TRIM50: variants seen among roughly 807,000 people sequenced by gnomAD.
The protein encoded by TRIM50 is tripartite motif containing 50.
TRIM50 carries 34 observed loss-of-function variants against 44.9 expected under a neutral mutation model. The observed-to-expected ratio is 0.76, with a 90% CI of 0.58 to 1.01. The LOEUF (loss-of-function observed/expected upper bound fraction) is 1.01. TRIM50 is among the 50% of genes least tolerant of loss of function. TRIM50 has a pLI of 0.00. For synonymous variants in TRIM50, 307 were observed against 291.1 expected, an observed-to-expected ratio of 1.05 and a Z score of -0.56; for missense variants, 633 against 663.7, an observed-to-expected ratio of 0.95 and a Z score of 0.51.
At chr7:73,316,857 A>C in intron 5 of TRIM50, 168 bp from the exon 6 acceptor site, 1 of 982,338 alleles carries the variant, frequency 1.0e-6, no homozygotes, top group Non-Finnish European at 1.4e-6. Flanking sequence ...GGGAGGACCC[A>C]TCTCCTTCCT....
At chr7:73,323,646 A>G (rs1554545375) in intron 2 of TRIM50, among the ~76,000 whole-genome samples, 1 of 152,242 alleles carries the variant, frequency 6.6e-6, no homozygotes, top group African/African-American at 2.4e-5. Context: ...TTGGACATTT[A>G]CAATGTGCCA....
Position 73,324,386 on chromosome 7 carries a change from C to T in TRIM50, c.399+3G>A. 6.2e-7 allele frequency: 1 copy of T among 1,614,006 alleles called. No homozygotes were observed. Among genetic ancestry groups the T allele is most frequent in the East Asian group, 2.2e-5 (1 of 44,878 alleles). Reference sequence around the variant, plus strand: ...CAGCCGCCCCTGCACCCTCACTCCCCACCTTCATGCGGCTGTAGACGGTGG... The same window carrying T: ...CAGCCGCCCCTGCACCCTCACTCCCTACCTTCATGCGGCTGTAGACGGTGG... On this transcript the variant is annotated splice_donor_region_variant and intron_variant, in intron 2 of 6. Coordinates refer to ENST00000333149, the MANE Select transcript of TRIM50 (RefSeq NM_178125.3).
intron 2 of TRIM50, among the ~76,000 whole-genome samples, chr7:73,322,351 C>A (rs1443815739): frequency 6.6e-6 from 1 of 152,008 alleles, no homozygotes; most frequent in Non-Finnish European, 1.5e-5. Flanking sequence ...TCTGTCTCAA[C>A]AACAACAACA....
chr7:73,318,839 G>T lies in TRIM50; in HGVS notation c.709C>A (p.His237Asn), dbSNP rs1259404888. The T allele has an allele frequency of 2.5e-6, 4 of 1,613,978 alleles. No homozygotes were observed. The highest frequency in any genetic ancestry group is 3.4e-6 in the Non-Finnish European group (4 of 1,179,876). ...CCACTCACCCGGATGAACTTGTGGTGGTCCTCATTGCCGAACTGTTCCAGC... is the reference window on the plus strand; with the variant it reads ...CCACTCACCCGGATGAACTTGTGGTTGTCCTCATTGCCGAACTGTTCCAGC... ...CVLEQFGNEDHHKFIRKFHSM... is the reference protein window; with the variant it reads ...CVLEQFGNEDNHKFIRKFHSM... The change falls in exon 4 of 7, where the codon CAC (histidine) becomes AAC (asparagine). Residue 237 changes from histidine to asparagine, a missense_variant. By Grantham distance (68) the His-to-Asn change is moderately conservative. Transcript: ENST00000333149.
intron 1 of TRIM50, among the ~76,000 whole-genome samples, chr7:73,327,470 A>G (rs1422587383): frequency 7.9e-5 from 12 of 152,118 alleles, no homozygotes; most frequent in South Asian, 2.1e-4. Flanking sequence ...TGGGCTCAGA[A>G]CGAGCCTCTG....
At position 73,318,890 on chromosome 7, in the gene TRIM50, C is replaced by A; in HGVS notation, c.658G>T (p.Glu220Ter). The A allele has an allele frequency of 6.2e-7, 1 of 1,613,988 alleles. No individual in the cohort carries two copies. The highest frequency in any genetic ancestry group is 8.5e-7 in the Non-Finnish European group (1 of 1,179,862). Residue 220 changes from glutamate (E) to a stop codon, truncating the protein, a stop_gained, in exon 4 of 7, where the codon GAG becomes TAG. Transcript: ENST00000333149. LOFTEE classifies it high-confidence loss of function. ...ACACACTCGGCTTGGGCCAGCCGCT[C>A]CCGGGTTCCCTGGGCCTGCTCCAGC... is the stretch of plus-strand genomic sequence containing the variant. ...MQLEQAQGTRERLAQAECVLE... is the reference protein window; with the variant it reads ...MQLEQAQGTR
At position 73,313,377 on chromosome 7, in the gene TRIM50, G is replaced by T. The variant is rs1804278876; in HGVS notation, c.1008C>A (p.Thr336=). 6.3e-7 allele frequency: 1 copy of T among 1,593,754 alleles called. No individual in the cohort carries two copies. The highest frequency in any genetic ancestry group is 1.1e-5 in the South Asian group (1 of 88,296). Residue 336 remains threonine (T), a synonymous_variant, in exon 7 of 7, where the codon ACC becomes ACA. Coordinates refer to ENST00000333149, the MANE Select transcript of TRIM50 (RefSeq NM_178125.3). This position sits in a 1 kb window ranked among gnomAD's most constrained non-coding sequence, Gnocchi z 4.9. ...AGAAGCCGCGGCTGGCCAGGACGCA[G>T]GTGCTGTAGTCGAAGCGCTCAGGCT... The part of the protein sequence containing the change: ...ASQPERFDYS[T]CVLASRGFSC...
intron 6 of TRIM50, chr7:73,315,062 C>T: frequency 3.0e-6 from 1 of 338,272 alleles, no homozygotes; most frequent in Non-Finnish European, 5.7e-6. Context: ...GGAGCTTGGG[C>T]TAAGCTGGTG....
At chr7:73,314,086 C>CCCCCCA in intron 6 of TRIM50, 1 of 322,742 alleles carries the variant, frequency 3.1e-6, no homozygotes, top group Non-Finnish European at 5.8e-6. Flanking sequence ...GCCCGCCTCC[C>CCCCCCA]ACCCCTTCCC....
At position 73,325,014 on chromosome 7, in the gene TRIM50, ATGTGTGTGTGTGTGTG is replaced by A. The variant is rs3040867; in HGVS notation, c.-18-225_-18-210del. On this transcript the variant is annotated intron_variant, in intron 1 of 6. Transcript: ENST00000333149. Reference sequence around the variant, plus strand: ...TGAAAAAAACTGGTCCCTTGAAGATATGTGTGTGTGTGTGTGTGTGTGTGTGTGTGTGTGTGTGTCT... The same window carrying A: ...TGAAAAAAACTGGTCCCTTGAAGATATGTGTGTGTGTGTGTGTGTGTGTCT... Among the ~76,000 whole-genome samples the A allele has an allele frequency of 3.2e-3, 460 of 142,034 alleles. 1 individual carries two copies. The highest frequency in any genetic ancestry group is 0.011 in the African/African-American group (409 of 38,058). 93.2% of individuals were successfully genotyped at this position (142,034 alleles called of 152,430 possible). A position where few individuals can be genotyped will look rare whatever the true frequency, so the allele number is the denominator to read the frequency against.
intron 2 of TRIM50, chr7:73,321,813 G>A (rs1461593353): frequency 6.6e-6 from 1 of 152,182 alleles, no homozygotes; most frequent in Non-Finnish European, 1.5e-5. Context: ...TGGAGAACGA[G>A]GCATCAGAAT....
At chr7:73,314,217 CT>C in intron 6 of TRIM50, 4 of 354,912 alleles carry the variant, frequency 1.1e-5, no homozygotes, top group East Asian at 7.4e-5. Context: ...AGGCCTAAGA[CT>C]TTTGGCACTG....
Position 73,313,300 on chromosome 7 carries a change from C to T in TRIM50, c.1085G>A (p.Arg362His), listed in dbSNP as rs140593031. The T allele has an allele frequency of 6.7e-4, 1,074 of 1,605,486 alleles. 5 individuals are homozygous for T. The highest frequency in any genetic ancestry group is 8.5e-4 in the Non-Finnish European group (997 of 1,176,930). ...EVVVGSKSDW[R>H]LGVIKGTASR... is the part of the protein sequence containing the mutation. ...GGCTGTGCCCTTGATGACCCCCAGG[C>T]GCCAGTCGCTCTTGCTGCCCACCAC... The change falls in exon 7 of 7, where the codon CGC becomes CAC. Residue 362 changes from arginine to histidine, a missense_variant. Transcript: ENST00000333149. This position sits in a 1 kb window ranked among gnomAD's most constrained non-coding sequence, Gnocchi z 4.9.
At chr7:73,321,519 G>A (rs1554545022) in intron 2 of TRIM50, among the ~76,000 whole-genome samples, 1 of 152,112 alleles carries the variant, frequency 6.6e-6, no homozygotes, top group East Asian at 1.9e-4. Flanking sequence ...TGGTGGGCTT[G>A]GACACAGCAC....
intron 1 of TRIM50, among the ~76,000 whole-genome samples, chr7:73,326,044 T>C (rs2353062): frequency 0.12 from 19,000 of 152,146 alleles, 1,315 homozygotes; most frequent in Middle Eastern, 0.18. Context: ...CATGCCACCA[T>C]GCCAAGCTAA....
intron 3 of TRIM50, among the ~76,000 whole-genome samples, chr7:73,319,537 G>C (rs1804443518): frequency 1.3e-5 from 2 of 152,230 alleles, no homozygotes; most frequent in African/African-American, 4.8e-5. Context: ...AGGCGAGCAG[G>C]CTTTGCTGTG....
At chr7:73,325,014 A>ATG (rs3040867) in intron 1 of TRIM50, among the ~76,000 whole-genome samples, 6,015 of 141,978 alleles carry the variant, frequency 0.042, 150 homozygotes, top group Non-Finnish European at 0.054. Context: ...CCTTGAAGAT[A>ATG]TGTGTGTGTG....
chr7:73,313,448 T>C lies in TRIM50; in HGVS notation c.937A>G (p.Asn313Asp), dbSNP rs1804283509. Residue 313 changes from asparagine to aspartate, a missense_variant, in exon 7 of 7, where the codon AAC becomes GAC. Physicochemically the swap from Asn to Asp is conservative, Grantham distance 23. Transcript: ENST00000333149. The surrounding 1 kb of genome is among the most constrained non-coding windows in gnomAD (Gnocchi z 4.9). ...AHPLLELSKGNTVVQCGLLAQ... is the reference protein window; with the variant it reads ...AHPLLELSKGDTVVQCGLLAQ... ...AGAAGCCCGCACTGCACCACCGTGT[T>C]GCCCTTGGAGAGCTCCAGGAGTGGG... The C allele has an allele frequency of 6.4e-7, 1 of 1,557,292 alleles. No individual in the cohort carries two copies. The highest frequency in any genetic ancestry group is 8.6e-7 in the Non-Finnish European group (1 of 1,157,112).
Position 73,313,249 on chromosome 7 carries a change from G to C in TRIM50, c.1136C>G (p.Ser379Cys). 6.3e-7 allele frequency: 1 copy of C among 1,598,778 alleles called. No homozygotes were observed. The highest frequency in any genetic ancestry group is 1.1e-5 in the South Asian group (1 of 88,502). ...TASRKGKLNR[S>C]PEHGVWLIGL... ...GATCAGCCACACGCCGTGCTCGGGGGACCTGTTCAGCTTGCCCTTACGGCT... is the reference window on the plus strand; with the variant it reads ...GATCAGCCACACGCCGTGCTCGGGGCACCTGTTCAGCTTGCCCTTACGGCT... Residue 379 changes from serine (S) to cysteine (C), a missense_variant, in exon 7 of 7, where the codon TCC (serine) becomes TGC (cysteine). Transcript: ENST00000333149. This position sits in a 1 kb window ranked among gnomAD's most constrained non-coding sequence, Gnocchi z 4.9.
Sources: gnomAD v4.1 joint callset for allele counts (sites outside exome capture counted in the v4.1 genomes callset) on GRCh38, gnomAD v4.1.1 for gene constraint, Gnocchi (gnomAD v3.1) non-coding constraint, MANE v1.5 for transcripts, NCBI Gene and HGNC (gene_info 2026-07-23, HGNC 2026-07-21) for gene names.